CCNJL: variants seen among roughly 807,000 people sequenced by gnomAD.
CCNJL encodes cyclin J like.
In CCNJL, 33 loss-of-function variants were observed where a neutral mutation model predicts 33.4. The observed-to-expected ratio is 0.99, with a 90% CI of 0.75 to 1.32. The LOEUF (loss-of-function observed/expected upper bound fraction) is 1.32, where lower values mean the gene tolerates loss of function less well. Ranked by LOEUF, CCNJL falls within the 40% of genes most tolerant of loss-of-function variation. The pLI, the probability that CCNJL is intolerant of heterozygous loss-of-function variation, is 0.00. For synonymous variants in CCNJL, 227 were observed against 220.9 expected (o/e 1.03, Z -0.24); for missense variants, 512 against 499.7 (o/e 1.02, Z -0.23).
At chr5:160,336,442 A>G (rs1763684833) in intron 1 of CCNJL, among the ~76,000 whole-genome samples, 1 of 152,222 alleles carries the variant, frequency 6.6e-6, no homozygotes. Context: ...AAGTCAAGGA[A>G]TGCTGATGGC....
At chr5:160,273,766 C>T (rs1481219185) in intron 3 of CCNJL, among the ~76,000 whole-genome samples, 5 of 151,250 alleles carry the variant, frequency 3.3e-5, no homozygotes, top group Non-Finnish European at 7.4e-5. Flanking sequence ...CCTCCCTCAG[C>T]CTCCCGAGTA....
At chr5:160,288,761 G>A (rs1406669436) in intron 2 of CCNJL, among the ~76,000 whole-genome samples, 1 of 150,906 alleles carries the variant, frequency 6.6e-6, no homozygotes, top group Non-Finnish European at 1.5e-5. Flanking sequence ...ACCCGGGGGG[G>A]CGGAGCTTGC....
chr5:160,298,346 G>T (rs1268559807), intron 2 of CCNJL, among the ~76,000 whole-genome samples: 2 of 151,616 alleles, frequency 1.3e-5, no homozygotes, highest in Non-Finnish European at 2.9e-5. Context: ...GCAACAGAGA[G>T]AGACTCTATT....
At chr5:160,338,250 G>A (rs1195661286) in intron 1 of CCNJL, among the ~76,000 whole-genome samples, 1 of 151,984 alleles carries the variant, frequency 6.6e-6, no homozygotes, top group Non-Finnish European at 1.5e-5. Flanking sequence ...ACACAAAAAA[G>A]CTAACTGGGT....
intron 2 of CCNJL, among the ~76,000 whole-genome samples, chr5:160,285,269 G>A (rs1160332409): frequency 2.0e-5 from 3 of 152,204 alleles, no homozygotes; most frequent in Non-Finnish European, 1.5e-5. Context: ...ATGTGCTTGT[G>A]TATTCTTCAT....
In CCNJL at chr5:160,335,802, T is replaced by G. The variant is rs571883606; in HGVS notation, n.206+3643A>C. ...TTTTGCTTTGTTGTCCAAGCCATTC[T>G]CAAATTCCTGGCTTCAAGTGATCCT... On this transcript the variant is annotated intron_variant and non_coding_transcript_variant, in intron 1 of 7. Coordinates refer to the CCNJL transcript ENST00000377503. Among the ~76,000 whole-genome samples the G allele has an allele frequency of 8.8e-4, 133 of 151,420 alleles. 1 individual carries two copies. The highest frequency in any genetic ancestry group is 3.1e-3 in the African/African-American group (129 of 41,168).
chr5:160,261,216 C>A (rs1417401505), intron 3 of CCNJL: 3 of 152,220 alleles, frequency 2.0e-5, no homozygotes, highest in Non-Finnish European at 2.9e-5. Flanking sequence ...GACGTCACTG[C>A]AGAATGAATC....
At chr5:160,288,855 A>G (rs921293816) in intron 2 of CCNJL, among the ~76,000 whole-genome samples, 2 of 150,916 alleles carry the variant, frequency 1.3e-5, no homozygotes, top group Non-Finnish European at 2.9e-5. Flanking sequence ...AAAAAAAAGA[A>G]TAACATCACT....
chr5:160,325,553 T>C (rs991298854), intron 1 of CCNJL, among the ~76,000 whole-genome samples: 3 of 152,224 alleles, frequency 2.0e-5, no homozygotes, highest in Non-Finnish European at 2.9e-5. Flanking sequence ...TTAGTGACTA[T>C]TGCCTGTTCC....
intron 2 of CCNJL, among the ~76,000 whole-genome samples, chr5:160,284,623 G>A (rs113934004): frequency 4.6e-5 from 7 of 152,350 alleles, no homozygotes; most frequent in South Asian, 2.1e-4. Flanking sequence ...TGAGGCTTGA[G>A]TTGAGATTTC....
chr5:160,303,523 C>CA (rs35657484), intron 2 of CCNJL, among the ~76,000 whole-genome samples: 8,444 of 128,100 alleles, frequency 0.066, 322 homozygotes, highest in South Asian at 0.19. Flanking sequence ...TCCATTTTTA[C>CA]AAAAAAAAAA....
intron 1 of CCNJL, among the ~76,000 whole-genome samples, chr5:160,321,032 T>G (rs4921128): frequency 2.3e-5 from 1 of 42,940 alleles, no homozygotes; most frequent in African/African-American, 1.3e-4. Flanking sequence ...CTTTCTTTCT[T>G]TCTTTCTTTC....
Position 160,251,962 on chromosome 5 carries a change from T to C in CCNJL, c.*1416A>G, listed in dbSNP as rs1461955435. ...AAGATTCACCACCTTCCGATCTGAC[T>C]CAGCAGCAGACAGCTGCCTTCCTGG... On this transcript the variant is annotated 3_prime_UTR_variant, in exon 6 of 6. Transcript: ENST00000257536. The C allele has an allele frequency of 6.6e-6, 1 of 152,240 alleles. No individual in the cohort carries two copies. The highest frequency in any genetic ancestry group is 1.5e-5 in the Non-Finnish European group (1 of 68,050). 9.4% of individuals were successfully genotyped at this position (152,240 alleles called of 1,614,324 possible). A position where few individuals can be genotyped will look rare whatever the true frequency, so the allele number is the denominator to read the frequency against.
chr5:160,329,362 T>G (rs1259908046), intron 1 of CCNJL, among the ~76,000 whole-genome samples: 4 of 151,268 alleles, frequency 2.6e-5, no homozygotes, highest in Non-Finnish European at 5.9e-5. Context: ...TTTTTTTTTT[T>G]TTTTTTGAGA....
intron 2 of CCNJL, among the ~76,000 whole-genome samples, chr5:160,289,025 C>G (rs965311563): frequency 9.2e-5 from 14 of 152,146 alleles, no homozygotes; most frequent in Non-Finnish European, 2.1e-4. Flanking sequence ...TCTGCAATGG[C>G]TGCCTAGTTT....
chr5:160,279,245 T>A (rs1307449942), intron 3 of CCNJL, among the ~76,000 whole-genome samples: 1 of 152,128 alleles, frequency 6.6e-6, no homozygotes, highest in Admixed American at 6.5e-5. Context: ...GGGAAATGAA[T>A]AATGAAATAG....
chr5:160,297,363 T>C (rs983704167), intron 2 of CCNJL, among the ~76,000 whole-genome samples: 3 of 148,070 alleles, frequency 2.0e-5, no homozygotes, highest in African/African-American at 7.6e-5. Context: ...TCCCCACAGT[T>C]GAAGCCAGCA....
intron 3 of CCNJL, among the ~76,000 whole-genome samples, chr5:160,271,448 A>G (rs1312100452): frequency 6.6e-6 from 1 of 152,248 alleles, no homozygotes; most frequent in East Asian, 1.9e-4. Flanking sequence ...GCTAAGGCAA[A>G]TTGAACAATT....
chr5:160,262,556 G>A lies in CCNJL; in HGVS notation c.281-2785C>T, dbSNP rs893374665. ...TCCCACATGAAGATAAAATGGTGCT[G>A]CAGAATGGAAAGTGCTTCACAAGCC... On this transcript the variant is annotated intron_variant, in intron 3 of 5. Transcript: ENST00000257536. Among the ~76,000 whole-genome samples, 44 of 152,202 alleles carry A rather than the reference G, an allele frequency of 2.9e-4. 1 individual carries two copies.
Sources: gnomAD v4.1 joint callset for allele counts (sites outside exome capture counted in the v4.1 genomes callset) on GRCh38, gnomAD v4.1.1 for gene constraint, MANE v1.5 for transcripts, NCBI Gene and HGNC (gene_info 2026-07-23, HGNC 2026-07-21) for gene names.